Variants in ZNF415 observed in about 807,000 individuals in gnomAD.
The protein encoded by ZNF415 is zinc finger protein 415.
A neutral mutation model predicts 7.3 loss-of-function variants in ZNF415; 5 were observed. The observed-to-expected ratio is 0.69, with a 90% confidence interval of 0.36 to 1.44. ZNF415 has a LOEUF of 1.44. Among genes scored for constraint, ZNF415 ranks in the 40% most tolerant of loss-of-function variants. The probability of loss-of-function intolerance (pLI) is 0.04; values close to 1 mark genes in which losing one functional copy is unlikely to be tolerated. For synonymous variants in ZNF415, 207 were observed against 226.3 expected (o/e 0.91, Z 0.77); for missense variants, 628 against 664.8 (o/e 0.94, Z 0.61).
chr19:53,109,437 A>C lies in ZNF415; in HGVS notation c.608T>G (p.Leu203Arg), dbSNP rs775561300. Residue 203 changes from leucine to arginine, a missense_variant, in exon 4 of 4, where the codon CTC becomes CGC. Leu to Arg is a moderately radical substitution (Grantham distance 102). Coordinates refer to ENST00000243643, the MANE Select transcript of ZNF415 (RefSeq NM_018355.4). ...AATGCATGATTTCTGTTCTTGTGTG[A>C]GTAATGAAGAACAGATGAAATCAGT... ...YGTDFICSSL[L>R]TQEQKSCIRE... The C allele has an allele frequency of 6.8e-6, 11 of 1,614,100 alleles. No individual in the cohort carries two copies. The Admixed American group carries it at 1.8e-4, about 27-fold the overall frequency.
In ZNF415 at chr19:53,108,555, T is replaced by C; in HGVS notation, c.1490A>G (p.Lys497Arg). Residue 497 changes from lysine to arginine, a missense_variant, in exon 4 of 4, where the codon AAA (lysine) becomes AGA (arginine). Transcript: ENST00000243643. ...AAAGGATTTGCCACACTCATTACAT[T>C]TGTAAGGTTTTTCTCCAGTATGGAT... Reference protein sequence around the residue: ...QVIHTGEKPYKCNECGKSFSV... With the variant: ...QVIHTGEKPYRCNECGKSFSV... 6.2e-7 allele frequency: 1 copy of C among 1,614,042 alleles called. No individual in the cohort carries two copies. The highest frequency in any genetic ancestry group is 8.5e-7 in the Non-Finnish European group (1 of 1,179,950).
At chr19:53,112,736 T>C (rs1281268669) in intron 3 of ZNF415, among the ~76,000 whole-genome samples, 1 of 152,202 alleles carries the variant, frequency 6.6e-6, no homozygotes, top group African/African-American at 2.4e-5. Context: ...AATGGGCATG[T>C]CAGAGGAAAA....
chr19:53,129,468 G>C (rs2089756978), intron 1 of ZNF415: 1 of 402,300 alleles, frequency 2.5e-6, no homozygotes, highest in Non-Finnish European at 4.4e-6. Flanking sequence ...TTTAGAGGAA[G>C]AAATCCAAAT....
At chr19:53,113,604 A>C (rs1158841130) in intron 3 of ZNF415, among the ~76,000 whole-genome samples, 1 of 152,078 alleles carries the variant, frequency 6.6e-6, no homozygotes, top group Non-Finnish European at 1.5e-5. Flanking sequence ...ATTCAGCTTC[A>C]CAAGCTCCCT....
intron 2 of ZNF415, among the ~76,000 whole-genome samples, chr19:53,121,663 TC>T (rs1372994204): frequency 6.6e-6 from 1 of 151,866 alleles, no homozygotes; most frequent in African/African-American, 2.4e-5. Flanking sequence ...CCTACAATGA[TC>T]CGCTCACCTC....
intron 2 of ZNF415, 177 bp downstream of exon 2, chr19:53,122,485 A>G: frequency 6.4e-7 from 1 of 1,564,558 alleles, no homozygotes; most frequent in South Asian, 1.1e-5. Context: ...TCACAGGGTC[A>G]GGGTGAGACG....
chr19:53,122,021 TG>T (rs1485114670), intron 2 of ZNF415, among the ~76,000 whole-genome samples: 1 of 151,586 alleles, frequency 6.6e-6, no homozygotes, highest in Non-Finnish European at 1.5e-5. Flanking sequence ...CCGAGGTGGG[TG>T]GATCACCTGA....
chr19:53,109,702 T>C lies in ZNF415; in HGVS notation c.343A>G (p.Lys115Glu), dbSNP rs770517194. 3.7e-6 allele frequency: 6 copies of C among 1,613,898 alleles called. No individual in the cohort carries two copies. The highest frequency in any genetic ancestry group is 2.2e-5 in the South Asian group (2 of 91,036). The change falls in exon 4 of 4, where the codon AAA becomes GAA. Residue 115 changes from lysine to glutamate, a missense_variant. Transcript: ENST00000243643. ...RNCNKVTTAP[K>E]ENLTCRRDQR... is the part of the protein sequence containing the mutation. ...TCTCTCCTACAAGTAAGATTTTCTT[T>C]TGGGGCCGTAGTCACTTTGTTGCAA... is the stretch of plus-strand genomic sequence containing the variant.
intron 1 of ZNF415, among the ~76,000 whole-genome samples, chr19:53,128,352 G>A (rs530248001): frequency 1.2e-4 from 18 of 147,392 alleles, no homozygotes; most frequent in South Asian, 6.9e-4. Flanking sequence ...GGACTGAGCT[G>A]ACGGAGGATG....
intron 2 of ZNF415, among the ~76,000 whole-genome samples, chr19:53,121,040 C>T (rs142394536): frequency 0.021 from 2,877 of 135,902 alleles, 94 homozygotes; most frequent in African/African-American, 0.074. Flanking sequence ...GCTGAGATCG[C>T]GCCACTGCAC....
At chr19:53,122,553 C>G (rs769316688) in intron 2 of ZNF415, 109 bp downstream of exon 2, 30 of 1,602,418 alleles carry the variant, frequency 1.9e-5, no homozygotes, top group Non-Finnish European at 2.6e-5. Context: ...TGAGCAAACG[C>G]GTCAGGCAGG....
chr19:53,108,272 G>A lies in ZNF415; in HGVS notation c.*105C>T, dbSNP rs1387064117. 1 of 1,104,200 alleles carries A rather than the reference G, an allele frequency of 9.1e-7. No homozygotes were observed. Among genetic ancestry groups the A allele is most frequent in the East Asian group, 2.5e-5 (1 of 40,166 alleles). 68.4% of individuals were successfully genotyped at this position (1,104,200 alleles called of 1,614,324 possible). ...CTCTGATGCTGTGTAGGAGTGAATTGTGACTGAAAACCTTGCCACATTTAT... is the reference window on the plus strand; with the variant it reads ...CTCTGATGCTGTGTAGGAGTGAATTATGACTGAAAACCTTGCCACATTTAT... On this transcript the variant is annotated 3_prime_UTR_variant, in exon 4 of 4. Coordinates refer to ENST00000243643, the MANE Select transcript of ZNF415 (RefSeq NM_018355.4).
chr19:53,117,029 TAAGTA>T (rs1014829517), intron 2 of ZNF415, among the ~76,000 whole-genome samples: 5 of 152,256 alleles, frequency 3.3e-5, no homozygotes, highest in African/African-American at 1.2e-4. Context: ...AAAAACTTCC[TAAGTA>T]TAGTAAAAGG....
Position 53,108,803 on chromosome 19 carries a change from G to A in ZNF415, c.1242C>T (p.Cys414=), listed in dbSNP as rs771526324. ...RIHTGEKPYK[C]NECGKVFSYN... is the part of the protein sequence containing the mutation. ...AACTGAAAACCTTACCACATTCATT[G>A]CATTTGTAAGGTTTCTCTCCAGTAT... The change falls in exon 4 of 4, where the codon TGC becomes TGT. Residue 414 remains cysteine, a synonymous_variant. Transcript: ENST00000243643. 1 of 1,613,030 alleles carries A rather than the reference G, an allele frequency of 6.2e-7. No homozygotes were observed. Among genetic ancestry groups the A allele is most frequent in the Non-Finnish European group, 8.5e-7 (1 of 1,179,310 alleles).
rs1272718365 is a variant in ZNF415 at position 53,108,881 on chromosome 19, T to C, written c.1164A>G (p.Glu388=). 6.2e-7 allele frequency: 1 copy of C among 1,614,052 alleles called. No homozygotes were observed. Among genetic ancestry groups the C allele is most frequent in the South Asian group, 1.1e-5 (1 of 91,070 alleles). Residue 388 remains glutamate, a synonymous_variant, in exon 4 of 4, where the codon GAA becomes GAG. Coordinates refer to ENST00000243643, the MANE Select transcript of ZNF415 (RefSeq NM_018355.4). ...AAGTCTGACTGAAGACTTTACCACA[T>C]TCATTACACTTGTATGGTTTCTCCC... ...HTGEKPYKCN[E]CGKVFSQTSS...
At chr19:53,120,814 G>A (rs372512893) in intron 2 of ZNF415, among the ~76,000 whole-genome samples, 1 of 151,908 alleles carries the variant, frequency 6.6e-6, no homozygotes, top group African/African-American at 2.4e-5. Flanking sequence ...GGCTGGGCGC[G>A]GTGGCTCATG....
At chr19:53,119,557 AC>A (rs2087654508) in intron 2 of ZNF415, among the ~76,000 whole-genome samples, 1 of 151,752 alleles carries the variant, frequency 6.6e-6, no homozygotes, top group South Asian at 2.1e-4. Context: ...GAAAAAAATA[AC>A]AAAGATCAGA....
chr19:53,130,485 G>C (rs768863247), intron 1 of ZNF415, among the ~76,000 whole-genome samples: 1 of 152,098 alleles, frequency 6.6e-6, no homozygotes, highest in Non-Finnish European at 1.5e-5. Context: ...AAAATGCCAT[G>C]AGCTGATTAT....
intron 3 of ZNF415, among the ~76,000 whole-genome samples, chr19:53,113,916 C>T (rs989963599): frequency 2.0e-5 from 3 of 152,250 alleles, no homozygotes; most frequent in Non-Finnish European, 2.9e-5. Flanking sequence ...CATCTGGACA[C>T]ACTTGTCAGT....
Sources: allele counts gnomAD v4.1 joint callset (sites outside exome capture counted in the v4.1 genomes callset), GRCh38; gene constraint gnomAD v4.1.1; transcripts MANE v1.5; gene names NCBI Gene and HGNC (gene_info 2026-07-23, HGNC 2026-07-21).